The following RCSD1 variants were observed in gnomAD, a reference collection of about 807,000 sequenced individuals.
RCSD1 encodes RCSD domain containing 1.
Under a neutral mutation model 42.5 loss-of-function variants are expected in RCSD1, and 26 were observed. The observed-to-expected ratio is 0.61, with a 90% CI of 0.45 to 0.85. The LOEUF (loss-of-function observed/expected upper bound fraction) is 0.85, where lower values mean the gene tolerates loss of function less well. Among genes scored for constraint, RCSD1 ranks in the 40% least tolerant of loss-of-function variants. The probability of loss-of-function intolerance (pLI) is 0.00; values close to 1 mark genes in which losing one functional copy is unlikely to be tolerated. For synonymous variants in RCSD1, 220 were observed against 212.2 expected (o/e 1.04, Z -0.32); for missense variants, 571 against 528.3 (o/e 1.08, Z -0.79).
At chr1:167,655,419 A>G (rs1473680490) in intron 1 of RCSD1, among the ~76,000 whole-genome samples, 1 of 152,114 alleles carries the variant, frequency 6.6e-6, no homozygotes, top group Non-Finnish European at 1.5e-5. Context: ...TAATTCCTCT[A>G]GTTTCCTGCT....
chr1:167,673,227 T>A (rs1054747785), intron 1 of RCSD1, among the ~76,000 whole-genome samples: 1 of 152,216 alleles, frequency 6.6e-6, no homozygotes, highest in Non-Finnish European at 1.5e-5. Flanking sequence ...ATGACAATGA[T>A]TCCTTTTTAA....
intron 1 of RCSD1, among the ~76,000 whole-genome samples, chr1:167,645,740 C>T (rs1658120884): frequency 6.6e-6 from 1 of 152,154 alleles, no homozygotes; most frequent in African/African-American, 2.4e-5. Flanking sequence ...GACCTCTTAA[C>T]CCACATGTGT....
chr1:167,700,914 C>A lies in RCSD1; in HGVS notation c.1218+3072C>A, dbSNP rs144135089. 3.3e-4 allele frequency among the ~76,000 whole-genome samples: 50 copies of A among 152,248 alleles called. No individual in the cohort carries two copies. In the East Asian group the frequency reaches 7.3e-3, roughly 22 times the overall value. On this transcript the variant is annotated intron_variant, in intron 6 of 6. Transcript: ENST00000367854. Reference sequence around the variant, plus strand: ...ATCTCACTGACAGCATCTTCCAATCCTGAAGGGTTGAAAAGTCACTTTGGT... The same window carrying A: ...ATCTCACTGACAGCATCTTCCAATCATGAAGGGTTGAAAAGTCACTTTGGT...
chr1:167,677,238 T>C (rs1288532966), intron 1 of RCSD1, among the ~76,000 whole-genome samples: 4 of 152,236 alleles, frequency 2.6e-5, no homozygotes, highest in African/African-American at 4.8e-5. Context: ...GTTACCCCAA[T>C]GCATTCTACA....
chr1:167,642,476 G>A (rs1658031030), intron 1 of RCSD1, among the ~76,000 whole-genome samples: 1 of 152,208 alleles, frequency 6.6e-6, no homozygotes, highest in South Asian at 2.1e-4. Flanking sequence ...GGGGGTGATT[G>A]AGAGAGGCAA....
At chr1:167,680,568 C>T (rs1282726935) in intron 1 of RCSD1, among the ~76,000 whole-genome samples, 1 of 152,080 alleles carries the variant, frequency 6.6e-6, no homozygotes, top group African/African-American at 2.4e-5. Flanking sequence ...GCAGCCTCGA[C>T]CAACTGGGCC....
chr1:167,675,859 G>A (rs545849095), intron 1 of RCSD1, among the ~76,000 whole-genome samples: 2 of 152,104 alleles, frequency 1.3e-5, no homozygotes, highest in African/African-American at 2.4e-5. Flanking sequence ...AAGCAGCAAG[G>A]AGCACATCTT....
At chr1:167,684,866 C>T (rs1659186186) in intron 2 of RCSD1, among the ~76,000 whole-genome samples, 1 of 152,130 alleles carries the variant, frequency 6.6e-6, no homozygotes, top group Non-Finnish European at 1.5e-5. Flanking sequence ...AAGAGCGAAA[C>T]TCAGTCTCAA....
At chr1:167,640,779 G>A (rs1657985597) in intron 1 of RCSD1, 2 of 152,326 alleles carry the variant, frequency 1.3e-5, no homozygotes, top group South Asian at 4.1e-4. Context: ...TGAACTCTTG[G>A]GCTCAAGTGA....
Position 167,697,709 on chromosome 1 carries a change from C to T in RCSD1, c.1085C>T (p.Pro362Leu). 1.9e-6 allele frequency: 3 copies of T among 1,595,978 alleles called. No homozygotes were observed. The highest frequency in any genetic ancestry group is 2.6e-6 in the Non-Finnish European group (3 of 1,172,476). ...PPGGVKGGDV[P>L]KQEKGKEKQQ... ...GGAGGAGTGAAGGGCGGAGATGTCC[C>T]CAAGCAGGAAAAAGGCAAGGAAAAA... Residue 362 changes from proline to leucine, a missense_variant, in exon 6 of 7, where the codon CCC (proline) becomes CTC (leucine). By Grantham distance (98) the Pro-to-Leu change is moderately conservative. Transcript: ENST00000367854.
intron 1 of RCSD1, among the ~76,000 whole-genome samples, chr1:167,637,445 AG>A (rs1053106994): frequency 3.9e-5 from 6 of 152,202 alleles, no homozygotes; most frequent in East Asian, 3.9e-4. Flanking sequence ...GGCGTTCAAA[AG>A]CTCCTCTAAT....
At position 167,694,179 on chromosome 1, in the gene RCSD1, A is replaced by G. The variant is rs1659442686; in HGVS notation, c.351A>G (p.Pro117=). 3.7e-6 allele frequency: 6 copies of G among 1,614,172 alleles called. No individual in the cohort carries two copies. The highest frequency in any genetic ancestry group is 1.7e-5 in the Admixed American group (1 of 60,026). The change falls in exon 5 of 7, where the codon CCA becomes CCG. Residue 117 remains proline (P), a synonymous_variant. Transcript: ENST00000367854. ...KSPGLKAMVS[P]FHSPPSTPSS... Reference sequence around the variant, plus strand: ...CTGGACTCAAGGCTATGGTGTCGCCATTTCACAGCCCACCTTCTACCCCCA... The same window carrying G: ...CTGGACTCAAGGCTATGGTGTCGCCGTTTCACAGCCCACCTTCTACCCCCA...
intron 1 of RCSD1, among the ~76,000 whole-genome samples, chr1:167,667,585 T>C (rs757156966): frequency 4.6e-5 from 7 of 152,198 alleles, no homozygotes; most frequent in Non-Finnish European, 7.3e-5. Context: ...GATAGAGATA[T>C]GGAATTATAA....
chr1:167,683,969 C>T lies in RCSD1; in HGVS notation c.76C>T (p.Arg26Trp), dbSNP rs143865913. ...ASPSVAQLAG[R>W]FREQAAAAKE... Reference sequence around the variant, plus strand: ...CCCCTCGGTGGCCCAGCTGGCCGGGCGGTTTAGGGAGCAGGCGGCTGCAGC... The same window carrying T: ...CCCCTCGGTGGCCCAGCTGGCCGGGTGGTTTAGGGAGCAGGCGGCTGCAGC... Residue 26 changes from arginine (R) to tryptophan (W), a missense_variant, in exon 2 of 7, where the codon CGG (arginine) becomes TGG (tryptophan). Transcript: ENST00000367854. 1.2e-5 allele frequency: 20 copies of T among 1,613,986 alleles called. No homozygotes were observed. The highest frequency in any genetic ancestry group is 7.7e-5 in the South Asian group (7 of 91,082).
chr1:167,656,212 C>G (rs747793041), intron 1 of RCSD1, among the ~76,000 whole-genome samples: 3 of 152,092 alleles, frequency 2.0e-5, no homozygotes, highest in Non-Finnish European at 4.4e-5. Flanking sequence ...GAGGCGCAAG[C>G]GGAGGACTTG....
At chr1:167,666,898 A>C (rs755800077) in intron 1 of RCSD1, among the ~76,000 whole-genome samples, 8 of 152,212 alleles carry the variant, frequency 5.3e-5, no homozygotes, top group Non-Finnish European at 1.0e-4. Context: ...GAGTTTTTTA[A>C]GTGTATTTTA....
chr1:167,680,456 GT>G (rs1307657704), intron 1 of RCSD1, among the ~76,000 whole-genome samples: 2 of 146,808 alleles, frequency 1.4e-5, no homozygotes, highest in Non-Finnish European at 3.0e-5. Flanking sequence ...CCCTGTTTTT[GT>G]TTTTGTTTTT....
chr1:167,672,654 G>A (rs748961201), intron 1 of RCSD1, among the ~76,000 whole-genome samples: 2 of 152,122 alleles, frequency 1.3e-5, no homozygotes, highest in Non-Finnish European at 2.9e-5. Context: ...TGATAATATG[G>A]GAGCCACTGA....
At chr1:167,686,542 G>C (rs1051986836) in intron 3 of RCSD1, among the ~76,000 whole-genome samples, 1 of 152,208 alleles carries the variant, frequency 6.6e-6, no homozygotes, top group South Asian at 2.1e-4. Flanking sequence ...TGAGATGGGG[G>C]AGGGGAGGCC....
Sources: allele counts gnomAD v4.1 joint callset (sites outside exome capture counted in the v4.1 genomes callset), GRCh38; gene constraint gnomAD v4.1.1; transcripts MANE v1.5; gene names NCBI Gene and HGNC (gene_info 2026-07-23, HGNC 2026-07-21).